Variants in CTSH observed in about 807,000 individuals in gnomAD.
The protein encoded by CTSH is pro-cathepsin H.
Under a neutral mutation model 56.3 loss-of-function variants are expected in CTSH, and 52 were observed. That is an observed-to-expected ratio of 0.92 (90% CI 0.74 to 1.16). CTSH has a LOEUF of 1.16. CTSH is among the 50% of genes most tolerant of loss of function. CTSH has a pLI of 0.00. For synonymous variants in CTSH, 174 were observed against 155.7 expected (o/e 1.12, Z -0.88); for missense variants, 406 against 424.5 (o/e 0.96, Z 0.38).
chr15:78,928,016 G>T (rs1349683335), intron 8 of CTSH, among the ~76,000 whole-genome samples: 1 of 152,246 alleles, frequency 6.6e-6, no homozygotes, highest in African/African-American at 2.4e-5. Context: ...GGGAGCCTGA[G>T]GAGGGGCCTC....
intron 11 of CTSH, 135 bp from the exon 12 acceptor site, chr15:78,922,340 GCTTATTTGATCACCGGC>G: frequency 4.3e-6 from 3 of 699,508 alleles, no homozygotes; most frequent in South Asian, 3.4e-5. Context: ...GTAGCATTCG[GCTTATTTGATCACCGGC>G]AAATCACGGA....
intron 1 of CTSH, among the ~76,000 whole-genome samples, chr15:78,942,498 C>T (rs1326063665): frequency 2.0e-5 from 3 of 152,198 alleles, no homozygotes; most frequent in Non-Finnish European, 4.4e-5. Flanking sequence ...CAGGCGTGAG[C>T]CCCCACGCCT....
chr15:78,927,939 G>A (rs2054949310), intron 8 of CTSH, among the ~76,000 whole-genome samples, 158 bp from the exon 9 acceptor site: 1 of 152,230 alleles, frequency 6.6e-6, no homozygotes, highest in Non-Finnish European at 1.5e-5. Flanking sequence ...TCCTCAAGGA[G>A]CTTAGGGTCT....
chr15:78,923,531 C>T (rs2054824814), intron 10 of CTSH, among the ~76,000 whole-genome samples: 1 of 152,186 alleles, frequency 6.6e-6, no homozygotes, highest in Admixed American at 6.5e-5. Context: ...TCAGGTGATC[C>T]ACCCACCTCG....
At chr15:78,931,614 C>G in intron 6 of CTSH, 108 bp from the exon 7 acceptor site, 3 of 1,585,016 alleles carry the variant, frequency 1.9e-6, no homozygotes, top group South Asian at 2.3e-5. Context: ...CCCGTCAGTG[C>G]TGTGTCAAGG....
At chr15:78,929,388 C>T in intron 8 of CTSH, 24 bp downstream of exon 8, 1 of 1,588,306 alleles carries the variant, frequency 6.3e-7, no homozygotes, top group Non-Finnish European at 8.6e-7. Flanking sequence ...GCCAAGAAGA[C>T]AGAGTGGAGG....
At position 78,945,045 on chromosome 15, in the gene CTSH, C is replaced by G. The variant is rs1387889109; in HGVS notation, c.-64G>C. 1.6e-6 allele frequency: 2 copies of G among 1,247,944 alleles called. No individual in the cohort carries two copies. Among genetic ancestry groups the G allele is most frequent in the Non-Finnish European group, 2.1e-6 (2 of 975,506 alleles). The allele number at this position is 1,247,944 out of a possible 1,614,324, so 77.3% of individuals were successfully genotyped here. A position where few individuals can be genotyped will look rare whatever the true frequency, so the allele number is the denominator to read the frequency against. On this transcript the variant is annotated 5_prime_UTR_variant, in exon 1 of 12. Coordinates refer to ENST00000220166, the MANE Select transcript of CTSH (RefSeq NM_004390.5). The stretch of plus-strand genomic sequence containing the variant: ...CGGAGGTGGCGGCCCAGAGCGTCAA[C>G]TGGGAGCGCGGGGGGGGAGCGGCAC...
intron 7 of CTSH, among the ~76,000 whole-genome samples, chr15:78,931,103 G>C (rs2289698): frequency 0.1 from 15,408 of 152,072 alleles, 845 homozygotes; most frequent in East Asian, 0.26. Context: ...TCTGTGTGTG[G>C]ATCTCGGGTT....
At chr15:78,934,629 G>T (rs573275425) in intron 5 of CTSH, among the ~76,000 whole-genome samples, 1 of 152,236 alleles carries the variant, frequency 6.6e-6, no homozygotes, top group Non-Finnish European at 1.5e-5. Flanking sequence ...AGATGGAGGC[G>T]GGAAGAGGAG....
rs757692804 is a variant in CTSH, at chr15:78,944,898, G to A, written c.84C>T (p.Asn28=). Residue 28 remains asparagine, a synonymous_variant, in exon 1 of 12, where the codon AAC becomes AAT. Coordinates refer to ENST00000220166, the MANE Select transcript of CTSH (RefSeq NM_004390.5). The part of the protein sequence containing the change: ...PVCGAAELCV[N]SLEKFHFKSW... ...GGCGCGCCCTCTGCGTACCTAAGGA[G>A]TTCACGCACAGTTCGGCGGCACCGC... The A allele has an allele frequency of 3.9e-6, 6 of 1,548,552 alleles. No homozygotes were observed. In the African/African-American group the frequency reaches 6.9e-5, roughly 18 times the overall value.
At chr15:78,937,948 ACTTTAAAAATTTCTTTATG>A (rs1289250216) in intron 2 of CTSH, 5 of 488,444 alleles carry the variant, frequency 1.0e-5, no homozygotes, top group Non-Finnish European at 1.6e-5. Flanking sequence ...GAGATCCATT[ACTTTAAAAATTTCTTTATG>A]CTGGGAACAT....
intron 4 of CTSH, among the ~76,000 whole-genome samples, chr15:78,935,425 T>C (rs2055155146): frequency 6.6e-6 from 1 of 152,266 alleles, no homozygotes; most frequent in Non-Finnish European, 1.5e-5. Context: ...GTTGTGTATC[T>C]GAAATTCATT....
At chr15:78,928,797 G>T (rs1173876021) in intron 8 of CTSH, among the ~76,000 whole-genome samples, 1 of 152,168 alleles carries the variant, frequency 6.6e-6, no homozygotes, top group Non-Finnish European at 1.5e-5. Context: ...AGTCATGTGA[G>T]GTCTGTGGTG....
At chr15:78,929,716 G>A (rs889791951) in intron 7 of CTSH, among the ~76,000 whole-genome samples, 1 of 152,144 alleles carries the variant, frequency 6.6e-6, no homozygotes, top group Admixed American at 6.5e-5. Context: ...TGCCTCAGTG[G>A]GATAGAGACC....
At chr15:78,925,677 G>A (rs929463558) in intron 9 of CTSH, 30 of 452,758 alleles carry the variant, frequency 6.6e-5, no homozygotes, top group African/African-American at 1.6e-4. Flanking sequence ...TAGGGACCAC[G>A]GGGTACAGCG....
At chr15:78,942,296 A>G (rs1043919747) in intron 1 of CTSH, among the ~76,000 whole-genome samples, 1 of 147,790 alleles carries the variant, frequency 6.8e-6, no homozygotes, top group African/African-American at 2.5e-5. Context: ...GCTCACTGCA[A>G]CCTCCACCTC....
chr15:78,934,665 G>A (rs542313322), intron 5 of CTSH, among the ~76,000 whole-genome samples: 3 of 152,354 alleles, frequency 2.0e-5, no homozygotes, highest in East Asian at 1.9e-4. Context: ...GTGTCCAGAT[G>A]GGCACAGGGA....
intron 7 of CTSH, 63 bp from the exon 8 acceptor site, chr15:78,929,556 G>T: frequency 1.7e-6 from 2 of 1,184,474 alleles, no homozygotes; most frequent in South Asian, 1.4e-5. Context: ...GGGCCCTCGG[G>T]GACTGGCGTG....
At position 78,944,925 on chromosome 15, in the gene CTSH, G is replaced by GA; in HGVS notation, c.56dup (p.Cys20LeufsTer22). The stretch of plus-strand genomic sequence containing the variant: ...TCACGCACAGTTCGGCGGCACCGCA[G>GA]ACGGGGACTCCCAGGAGCCAGGCCC... On this transcript the variant is annotated frameshift_variant, in exon 1 of 12. Coordinates refer to ENST00000220166, the MANE Select transcript of CTSH (RefSeq NM_004390.5). LOFTEE classifies it high-confidence loss of function. 1 of 1,548,698 alleles carries GA rather than the reference G, an allele frequency of 6.5e-7. No individual in the cohort carries two copies. Among genetic ancestry groups the GA allele is most frequent in the Non-Finnish European group, 8.7e-7 (1 of 1,146,172 alleles).
Sources: allele counts gnomAD v4.1 joint callset (sites outside exome capture counted in the v4.1 genomes callset), GRCh38; gene constraint gnomAD v4.1.1; transcripts MANE v1.5; gene names NCBI Gene and HGNC (gene_info 2026-07-23, HGNC 2026-07-21).